Variants in GREM2 observed in about 807,000 individuals in gnomAD.
The protein encoded by GREM2 is gremlin 2, DAN family BMP antagonist.
In GREM2, 11 loss-of-function variants were observed where a neutral mutation model predicts 14.2. The ratio of observed to expected loss-of-function variants is 0.78; its 90% CI spans 0.49 to 1.28. The LOEUF is 1.28. GREM2 is among the 50% of genes most tolerant of loss of function. The pLI, the probability that GREM2 is intolerant of heterozygous loss-of-function variation, is 0.00. For missense variants in GREM2, 210 were observed against 218.5 expected (o/e 0.96, Z 0.24); for synonymous variants, 98 against 97.6 (o/e 1.00, Z -0.02).
rs1679405828 is a variant in GREM2 at position 240,578,082 on chromosome 1, G to A, written c.-2+33802C>T. ...TTGTTGTTGTTTTTGTGTTGTTGTG[G>A]TTGTTGTTTTCCACCATTCTACTCT... On this transcript the variant is annotated intron_variant, in intron 1 of 1. Coordinates refer to ENST00000318160, the MANE Select transcript of GREM2 (RefSeq NM_022469.4). Among the ~76,000 whole-genome samples the A allele has an allele frequency of 1.3e-5, 2 of 152,048 alleles. 1 individual carries two copies. Among genetic ancestry groups the A allele is most frequent in the Admixed American group, 1.3e-4 (2 of 15,256 alleles).
At chr1:240,557,767 A>G (rs1171249471) in intron 1 of GREM2, among the ~76,000 whole-genome samples, 2 of 151,948 alleles carry the variant, frequency 1.3e-5, no homozygotes, top group African/African-American at 4.8e-5. Context: ...CCTGGTGAAG[A>G]GATCCAAGAT....
At chr1:240,497,471 G>T (rs1045672447) in intron 1 of GREM2, among the ~76,000 whole-genome samples, 1 of 151,988 alleles carries the variant, frequency 6.6e-6, no homozygotes, top group Admixed American at 6.6e-5. Context: ...AAAAGCATCG[G>T]TTCTACCTGG....
intron 1 of GREM2, among the ~76,000 whole-genome samples, chr1:240,583,147 T>A (rs1679523445): frequency 6.6e-6 from 1 of 152,128 alleles, no homozygotes; most frequent in Non-Finnish European, 1.5e-5. Context: ...TGTAACTACA[T>A]CGAATCATCA....
intron 1 of GREM2, among the ~76,000 whole-genome samples, chr1:240,506,444 G>A (rs751740251): frequency 6.6e-5 from 10 of 152,156 alleles, no homozygotes; most frequent in Non-Finnish European, 1.3e-4. Flanking sequence ...CCTTTTTCAA[G>A]TTAGCTTTAT....
chr1:240,603,878 A>G (rs1456447703), intron 1 of GREM2, among the ~76,000 whole-genome samples: 2 of 151,750 alleles, frequency 1.3e-5, no homozygotes, highest in East Asian at 1.9e-4. Flanking sequence ...TTGCACTGCT[A>G]TCATGGAATA....
At chr1:240,507,788 G>A (rs918646011) in intron 1 of GREM2, among the ~76,000 whole-genome samples, 1 of 151,524 alleles carries the variant, frequency 6.6e-6, no homozygotes, top group Non-Finnish European at 1.5e-5. Context: ...CAGAGAAGGA[G>A]GGTGGGGGTG....
chr1:240,598,682 T>A (rs185170826), intron 1 of GREM2, among the ~76,000 whole-genome samples: 2 of 152,188 alleles, frequency 1.3e-5, no homozygotes, highest in African/African-American at 4.8e-5. Context: ...GTCAGTGGCA[T>A]GTGAACTGAA....
intron 1 of GREM2, among the ~76,000 whole-genome samples, chr1:240,602,383 T>A (rs1312781479): frequency 1.3e-5 from 2 of 152,184 alleles, no homozygotes; most frequent in Admixed American, 6.5e-5. Context: ...TATTTTTTTT[T>A]AAATGGGGCC....
chr1:240,547,499 CA>C lies in GREM2; in HGVS notation c.-1-54024del, dbSNP rs200373636. Among the ~76,000 whole-genome samples the C allele has an allele frequency of 6.7e-3, 589 of 87,582 alleles. 4 individuals carry two copies. Among genetic ancestry groups the C allele is most frequent in the African/African-American group, 0.012 (254 of 20,928 alleles). The allele number at this position is 87,582 out of a possible 152,430, so 57.5% of individuals were successfully genotyped here. A position where few individuals can be genotyped will look rare whatever the true frequency, so the allele number is the denominator to read the frequency against. On this transcript the variant is annotated intron_variant, in intron 1 of 1. Coordinates refer to ENST00000318160, the MANE Select transcript of GREM2 (RefSeq NM_022469.4). ...TGGGCGACAGAGTGAGACTCCATCTCAAAAAAAAAAAAAAAATATATATATA... is the reference window on the plus strand; with the variant it reads ...TGGGCGACAGAGTGAGACTCCATCTCAAAAAAAAAAAAAAATATATATATA...
At chr1:240,507,687 G>A (rs1288936112) in intron 1 of GREM2, among the ~76,000 whole-genome samples, 1 of 151,062 alleles carries the variant, frequency 6.6e-6, no homozygotes, top group Non-Finnish European at 1.5e-5. Context: ...ACAAGGAAAA[G>A]CAGGAATAGC....
chr1:240,539,195 T>A lies in GREM2; in HGVS notation c.-1-45719A>T, dbSNP rs1282311491. Among the ~76,000 whole-genome samples the A allele has an allele frequency of 2.0e-5, 3 of 152,170 alleles. No homozygotes were observed. The East Asian group carries it at 5.8e-4, about 29-fold the overall frequency. On this transcript the variant is annotated intron_variant, in intron 1 of 1. Coordinates refer to ENST00000318160, the MANE Select transcript of GREM2 (RefSeq NM_022469.4). ...TTCCATTCTTACTTACCATCCCTTA[T>A]GGATTTCTTATAAAAGCCCTACACA...
intron 1 of GREM2, among the ~76,000 whole-genome samples, chr1:240,551,894 T>C (rs1212180019): frequency 6.6e-6 from 1 of 152,168 alleles, no homozygotes; most frequent in Non-Finnish European, 1.5e-5. Context: ...CTAGAGATTA[T>C]GCCAACCTTC....
At chr1:240,607,328 T>A (rs76229280) in intron 1 of GREM2, among the ~76,000 whole-genome samples, 3 of 145,444 alleles carry the variant, frequency 2.1e-5, no homozygotes, top group Non-Finnish European at 4.5e-5. Context: ...TTAGGTTAAA[T>A]TTTTTTTTTC....
intron 1 of GREM2, among the ~76,000 whole-genome samples, chr1:240,580,032 C>T (rs1287796658): frequency 2.6e-5 from 4 of 152,118 alleles, no homozygotes; most frequent in Non-Finnish European, 4.4e-5. Context: ...AAAACCAGAA[C>T]ACCTGTAGAA....
chr1:240,608,153 A>G (rs1447263120), intron 1 of GREM2, among the ~76,000 whole-genome samples: 1 of 152,250 alleles, frequency 6.6e-6, no homozygotes, highest in African/African-American at 2.4e-5. Flanking sequence ...CTTGCAGAAG[A>G]TAAACTCCTG....
At chr1:240,528,889 G>A (rs913364334) in intron 1 of GREM2, among the ~76,000 whole-genome samples, 9 of 152,118 alleles carry the variant, frequency 5.9e-5, no homozygotes, top group African/African-American at 2.2e-4. Flanking sequence ...TAACCTGAGT[G>A]GTTTTCCATC....
intron 1 of GREM2, among the ~76,000 whole-genome samples, chr1:240,547,532 T>TATATAGATAG (rs1187770486): frequency 4.1e-5 from 5 of 121,874 alleles, no homozygotes; most frequent in African/African-American, 1.5e-4. Context: ...TATATATATA[T>TATATAGATAG]ATAGATAGAT....
intron 1 of GREM2, among the ~76,000 whole-genome samples, chr1:240,538,309 T>G (rs1307195529): frequency 6.6e-6 from 1 of 152,194 alleles, no homozygotes; most frequent in Non-Finnish European, 1.5e-5. Context: ...ATTGCTTCTC[T>G]AACAATGCCA....
At chr1:240,578,453 C>G (rs1020479566) in intron 1 of GREM2, among the ~76,000 whole-genome samples, 1 of 151,964 alleles carries the variant, frequency 6.6e-6, no homozygotes, top group Non-Finnish European at 1.5e-5. Flanking sequence ...ACTACACAAC[C>G]TTTGGCAAGG....
Sources: gnomAD v4.1 joint callset for allele counts (sites outside exome capture counted in the v4.1 genomes callset) on GRCh38, gnomAD v4.1.1 for gene constraint, MANE v1.5 for transcripts, NCBI Gene and HGNC (gene_info 2026-07-23, HGNC 2026-07-21) for gene names.